PCDH11X: variants seen among roughly 807,000 people sequenced by gnomAD.
PCDH11X encodes the protein protocadherin-11 X-linked.
A neutral mutation model predicts 53.3 loss-of-function variants in PCDH11X; 18 were observed. The observed-to-expected ratio is 0.34, with a 90% CI of 0.23 to 0.50. PCDH11X has a LOEUF of 0.50. Ranked by LOEUF, PCDH11X falls within the 20% of genes least tolerant of loss-of-function variation. The pLI is 0.98. For synonymous variants in PCDH11X, 279 were observed against 393.3 expected (o/e 0.71, Z 3.44); for missense variants, 570 against 1,032.4 (o/e 0.55, Z 6.14).
chrX:92,052,039 T>C (rs1177760615), intron 6 of PCDH11X, among the ~76,000 whole-genome samples: 1 of 109,847 alleles, frequency 9.1e-6, no homozygotes, highest in East Asian at 2.9e-4. Context: ...AACAAAAAGG[T>C]AAAACTCTGT....
chrX:91,960,339 T>C (rs145596555), intron 6 of PCDH11X, among the ~76,000 whole-genome samples: 283 of 111,478 alleles, frequency 2.5e-3, no homozygotes, highest in Non-Finnish European at 4.2e-3. Context: ...AAAAAATCAT[T>C]ACCAAAACCA....
intron 6 of PCDH11X, among the ~76,000 whole-genome samples, chrX:91,920,420 G>T (rs766021267): frequency 6.5e-5 from 7 of 108,123 alleles, no homozygotes; most frequent in African/African-American, 2.0e-4. Context: ...TTTGCATTCA[G>T]TAAACAATTG....
chrX:91,795,825 C>A (rs1487054000), intron 1 of PCDH11X, among the ~76,000 whole-genome samples: 5 of 111,064 alleles, frequency 4.5e-5, no homozygotes, highest in African/African-American at 1.6e-4. Context: ...GTGGCAGGTC[C>A]CTATGACTTA....
At chrX:91,795,655 T>C (rs1935708709) in intron 1 of PCDH11X, among the ~76,000 whole-genome samples, 1 of 111,029 alleles carries the variant, frequency 9.0e-6, no homozygotes, top group African/African-American at 3.3e-5. Context: ...TCTTGAATGT[T>C]AGGGACGTCT....
chrX:92,258,214 G>A (rs771137608), intron 7 of PCDH11X, among the ~76,000 whole-genome samples: 62 of 111,023 alleles, frequency 5.6e-4, no homozygotes, highest in African/African-American at 1.9e-3. Flanking sequence ...GTGCAGCAGG[G>A]TCCTCAGCAC....
intron 10 of PCDH11X, among the ~76,000 whole-genome samples, chrX:92,513,066 G>A (rs1004688173): frequency 4.5e-5 from 5 of 110,170 alleles, no homozygotes; most frequent in African/African-American, 1.3e-4. Flanking sequence ...AACATTTAGG[G>A]TGGTGCTTAT....
intron 10 of PCDH11X, among the ~76,000 whole-genome samples, chrX:92,590,022 CT>C (rs766992458): frequency 5.7e-4 from 59 of 103,737 alleles, no homozygotes; most frequent in Middle Eastern, 4.9e-3. Context: ...ATATATTTTT[CT>C]TTTTTTTTTT....
chrX:91,846,986 G>A (rs189522476), intron 5 of PCDH11X, among the ~76,000 whole-genome samples: 7 of 111,552 alleles, frequency 6.3e-5, no homozygotes, highest in Admixed American at 5.8e-4. Context: ...TAAAAAGATA[G>A]CTGTTTATTT....
At chrX:92,287,340 C>T (rs2068396877) in intron 8 of PCDH11X, among the ~76,000 whole-genome samples, 2 of 111,019 alleles carry the variant, frequency 1.8e-5, no homozygotes, top group Non-Finnish European at 1.9e-5. Context: ...CTCCCCTTGT[C>T]CACCACCCCC....
intron 6 of PCDH11X, among the ~76,000 whole-genome samples, chrX:92,134,619 G>C (rs761756150): frequency 8.1e-5 from 9 of 111,016 alleles, no homozygotes; most frequent in African/African-American, 2.6e-4. Flanking sequence ...GTGAAAGCAC[G>C]TTTATTAGGA....
intron 9 of PCDH11X, among the ~76,000 whole-genome samples, chrX:92,412,542 T>C (rs866671436): frequency 1.7e-5 from 1 of 59,536 alleles, no homozygotes; most frequent in Non-Finnish European, 3.1e-5. Flanking sequence ...TATATATATA[T>C]ATATATATAT....
chrX:92,525,618 C>T (rs765177405), intron 10 of PCDH11X, among the ~76,000 whole-genome samples: 1 of 73,256 alleles, frequency 1.4e-5, no homozygotes, highest in South Asian at 9.0e-4. Context: ...GCTACAAGAG[C>T]AAAACTCTTT....
At chrX:91,846,617 CAAAAA>C in intron 5 of PCDH11X, among the ~76,000 whole-genome samples, 1 of 81,665 alleles carries the variant, frequency 1.2e-5, no homozygotes, top group Admixed American at 1.4e-4. Context: ...GACTCCATCT[CAAAAA>C]AAAAAAAAAG....
At chrX:92,256,302 C>T (rs960841302) in intron 7 of PCDH11X, among the ~76,000 whole-genome samples, 9 of 111,458 alleles carry the variant, frequency 8.1e-5, no homozygotes, top group East Asian at 2.9e-4. Context: ...TGCTTCAGCT[C>T]GCGCACGGTG....
At chrX:91,948,454 A>G (rs2061601799) in intron 6 of PCDH11X, among the ~76,000 whole-genome samples, 1 of 109,290 alleles carries the variant, frequency 9.1e-6, no homozygotes, top group Admixed American at 1.0e-4. Context: ...GAAGAAATGT[A>G]AAATTCCACA....
At chrX:92,004,803 T>C (rs2147968389) in intron 6 of PCDH11X, among the ~76,000 whole-genome samples, 1 of 85,560 alleles carries the variant, frequency 1.2e-5, no homozygotes, top group East Asian at 3.9e-4. Context: ...TGAGATGGAG[T>C]CTCGCTCTGT....
chrX:92,330,654 A>C (rs1364395926), intron 8 of PCDH11X, among the ~76,000 whole-genome samples: 1 of 111,414 alleles, frequency 9.0e-6, no homozygotes, highest in Non-Finnish European at 1.9e-5. Context: ...GTCTAGGCAC[A>C]TCCCAAGTGT....
intron 6 of PCDH11X, among the ~76,000 whole-genome samples, chrX:92,051,048 AT>A (rs2063360811): frequency 8.9e-6 from 1 of 112,151 alleles, no homozygotes. Flanking sequence ...CATTCCACAA[AT>A]TCTATAAACC....
At chrX:92,057,750 T>C (rs1401180311) in intron 6 of PCDH11X, among the ~76,000 whole-genome samples, 1 of 102,072 alleles carries the variant, frequency 9.8e-6, no homozygotes, top group Non-Finnish European at 2.0e-5. Flanking sequence ...ACCATTCATA[T>C]AACTTGAGGA....
Sources: allele counts gnomAD v4.1 joint callset (sites outside exome capture counted in the v4.1 genomes callset), GRCh38; gene constraint gnomAD v4.1.1; transcripts MANE v1.5; gene names NCBI Gene and HGNC (gene_info 2026-07-23, HGNC 2026-07-21).